The following DSG2 variants were observed in gnomAD, a reference collection of about 807,000 sequenced individuals.
DSG2 encodes desmoglein-2.
Under a neutral mutation model 75.6 loss-of-function variants are expected in DSG2, and 45 were observed. The ratio of observed to expected loss-of-function variants is 0.60; its 90% CI spans 0.47 to 0.76. The LOEUF is 0.76. Among genes scored for constraint, DSG2 ranks in the 30% least tolerant of loss-of-function variants. The pLI is 0.00. For missense variants in DSG2, 1,267 were observed against 1,357.4 expected, an observed-to-expected ratio of 0.93 and a Z score of 1.05; for synonymous variants, 429 against 483.9, an observed-to-expected ratio of 0.89 and a Z score of 1.49.
Position 31,535,348 on chromosome 18 carries a change from T to G in DSG2, c.1359T>G (p.Pro453=), listed in dbSNP as rs948681475. ...CTGAAATTAAACTTGCAAAACTTCCTGATTTTGAATCTAGATATGTTCAAA... is the reference window on the plus strand; with the variant it reads ...CTGAAATTAAACTTGCAAAACTTCCGGATTTTGAATCTAGATATGTTCAAA... ...VTSEIKLAKL[P]DFESRYVQNG... Residue 453 remains proline, a synonymous_variant, in exon 10 of 15, where the codon CCT becomes CCG. Transcript: ENST00000261590. 21 of 1,610,770 alleles carry G rather than the reference T, an allele frequency of 1.3e-5. No homozygotes were observed. Among genetic ancestry groups the G allele is most frequent in the Non-Finnish European group, 1.6e-5 (19 of 1,177,528 alleles).
rs766455001 is a variant in DSG2 at position 31,535,332 on chromosome 18, A to G, written c.1343A>G (p.Lys448Arg). The G allele has an allele frequency of 6.2e-7, 1 of 1,605,760 alleles. No homozygotes were observed. The highest frequency in any genetic ancestry group is 1.1e-5 in the South Asian group (1 of 90,666). The change falls in exon 10 of 15, where the codon AAA becomes AGA. Residue 448 changes from lysine (K) to arginine (R), a missense_variant. Lys to Arg is a conservative substitution (Grantham distance 26). Transcript: ENST00000261590. The part of the protein sequence containing the change: ...ISVDSVTSEI[K>R]LAKLPDFESR... ...GTGGATTCTGTCACATCTGAAATTAAACTTGCAAAACTTCCTGATTTTGAA... is the reference window on the plus strand; with the variant it reads ...GTGGATTCTGTCACATCTGAAATTAGACTTGCAAAACTTCCTGATTTTGAA...
At chr18:31,515,751 T>C (rs1683237189) in intron 1 of DSG2, among the ~76,000 whole-genome samples, 1 of 152,210 alleles carries the variant, frequency 6.6e-6, no homozygotes, top group African/African-American at 2.4e-5. Flanking sequence ...ACATCTGCTC[T>C]CCTTGAGTTT....
chr18:31,503,011 T>C (rs1247773733), intron 1 of DSG2, among the ~76,000 whole-genome samples: 1 of 152,214 alleles, frequency 6.6e-6, no homozygotes, highest in African/African-American at 2.4e-5. Flanking sequence ...ATGCAAAGCT[T>C]GGTGATTAGA....
intron 10 of DSG2, among the ~76,000 whole-genome samples, chr18:31,535,767 C>CAA (rs1334144976): frequency 1.7e-5 from 2 of 118,502 alleles, no homozygotes. Context: ...GACTCCAACT[C>CAA]AAAAAAAAAA....
intron 1 of DSG2, among the ~76,000 whole-genome samples, chr18:31,516,862 A>G (rs1160415528): frequency 6.6e-6 from 1 of 152,242 alleles, no homozygotes; most frequent in Non-Finnish European, 1.5e-5. Flanking sequence ...GGCAGGCAGC[A>G]GTCTGCTAGC....
chr18:31,544,337 A>G (rs2073290327), intron 14 of DSG2, among the ~76,000 whole-genome samples: 1 of 152,216 alleles, frequency 6.6e-6, no homozygotes, highest in South Asian at 2.1e-4. Context: ...ATCAGTAACA[A>G]AGAGATATAT....
intron 1 of DSG2, among the ~76,000 whole-genome samples, chr18:31,510,495 G>A (rs1049647880): frequency 2.6e-5 from 4 of 151,962 alleles, no homozygotes; most frequent in Non-Finnish European, 5.9e-5. Flanking sequence ...TCATCAAGGT[G>A]ACTTCAGAAC....
rs2073229277 is a variant in DSG2, at chr18:31,536,232, TC to T, written c.1456del (p.Ile487SerfsTer13). 6.2e-7 allele frequency: 1 copy of T among 1,614,070 alleles called. No individual in the cohort carries two copies. The highest frequency in any genetic ancestry group is 8.5e-7 in the Non-Finnish European group (1 of 1,180,048). On this transcript the variant is annotated frameshift_variant, in exon 11 of 15. Transcript: ENST00000261590. LOFTEE classifies it high-confidence loss of function. Reference sequence around the variant, plus strand: ...CCTAGAAAAACCATCACTGGCACAGTCCTTATCAATGTTGAAGACATCAACG... The same window carrying T: ...CCTAGAAAAACCATCACTGGCACAGTCTTATCAATGTTGAAGACATCAACG... ...DYPRKTITGT[V>X]LINVEDINDN...
At chr18:31,513,563 G>C (rs550834064) in intron 1 of DSG2, among the ~76,000 whole-genome samples, 1 of 152,312 alleles carries the variant, frequency 6.6e-6, no homozygotes, top group South Asian at 2.1e-4. Context: ...AGAGTTTTAT[G>C]AACACTGAAG....
chr18:31,512,362 A>G (rs559589946), intron 1 of DSG2, among the ~76,000 whole-genome samples: 5 of 152,310 alleles, frequency 3.3e-5, no homozygotes, highest in Admixed American at 2.0e-4. Context: ...TTCAAAATAA[A>G]CACTGGAGAT....
intron 13 of DSG2, among the ~76,000 whole-genome samples, chr18:31,541,516 T>C (rs1012126397): frequency 6.6e-6 from 1 of 152,220 alleles, no homozygotes; most frequent in Non-Finnish European, 1.5e-5. Flanking sequence ...TTACTCTGTT[T>C]TGACACTTCC....
At chr18:31,516,795 G>T (rs2073096935) in intron 1 of DSG2, among the ~76,000 whole-genome samples, 1 of 152,198 alleles carries the variant, frequency 6.6e-6, no homozygotes, top group Admixed American at 6.5e-5. Flanking sequence ...AGTGAGGCAG[G>T]AATAGCAGTC....
chr18:31,537,155 T>A (rs1467450643), intron 11 of DSG2, among the ~76,000 whole-genome samples: 1 of 152,256 alleles, frequency 6.6e-6, no homozygotes, highest in Non-Finnish European at 1.5e-5. Context: ...AGTCAGTTTT[T>A]TTTTTAATTT....
At chr18:31,519,676 C>G (rs2073115678) in intron 2 of DSG2, 127 bp from the exon 3 acceptor site, 1 of 973,228 alleles carries the variant, frequency 1.0e-6, no homozygotes. Context: ...ACAATGAAGC[C>G]TCATAGGAAA....
chr18:31,540,058 C>T (rs1254832266), intron 12 of DSG2, among the ~76,000 whole-genome samples: 1 of 151,906 alleles, frequency 6.6e-6, no homozygotes, highest in African/African-American at 2.4e-5. Flanking sequence ...TTCAGGGCTC[C>T]CACTGATTCT....
chr18:31,540,191 TC>T (rs1254619975), intron 12 of DSG2, among the ~76,000 whole-genome samples: 1 of 152,094 alleles, frequency 6.6e-6, no homozygotes, highest in Non-Finnish European at 1.5e-5. Flanking sequence ...ACCCCTAACT[TC>T]CCTGTGGAAA....
Position 31,548,341 on chromosome 18 carries a change from A to C in DSG2, c.*1598A>C, listed in dbSNP as rs539047442. ...CAATTTTCATAATTTTCAAAGACTA[A>C]TTTCTTGACTGAAGATATTTTGCTA... On this transcript the variant is annotated 3_prime_UTR_variant, in exon 15 of 15. Transcript: ENST00000261590. The C allele has an allele frequency of 6.6e-6, 1 of 152,210 alleles. No individual in the cohort carries two copies. Among genetic ancestry groups the C allele is most frequent in the Non-Finnish European group, 1.5e-5 (1 of 68,038 alleles). The allele number at this position is 152,210 out of a possible 1,614,324, so 9.4% of individuals were successfully genotyped here.
At chr18:31,505,556 G>T (rs1172389056) in intron 1 of DSG2, among the ~76,000 whole-genome samples, 1 of 151,670 alleles carries the variant, frequency 6.6e-6, no homozygotes, top group East Asian at 1.9e-4. Context: ...GTGAGTTAAA[G>T]TATCTTTCTG....
At chr18:31,509,728 C>G (rs1457902702) in intron 1 of DSG2, among the ~76,000 whole-genome samples, 2 of 152,178 alleles carry the variant, frequency 1.3e-5, no homozygotes, top group African/African-American at 2.4e-5. Flanking sequence ...ACTGGTCCAC[C>G]CTGACTGCAC....
Sources: allele counts gnomAD v4.1 joint callset (sites outside exome capture counted in the v4.1 genomes callset), GRCh38; gene constraint gnomAD v4.1.1; transcripts MANE v1.5; gene names NCBI Gene and HGNC (gene_info 2026-07-23, HGNC 2026-07-21).